Variants in MOBP observed in about 807,000 individuals in gnomAD.
MOBP encodes myelin-associated oligodendrocyte basic protein.
In MOBP, 5 loss-of-function variants were observed where a neutral mutation model predicts 15.0. That is an observed-to-expected ratio of 0.33 (90% CI 0.17 to 0.70). The LOEUF (loss-of-function observed/expected upper bound fraction) is 0.70, where lower values mean the gene tolerates loss of function less well. MOBP is among the 30% of genes least tolerant of loss of function. MOBP has a pLI of 0.67. For synonymous variants in MOBP, 88 were observed against 99.0 expected (o/e 0.89, Z 0.66); for missense variants, 188 against 257.8 (o/e 0.73, Z 1.85).
chr3:39,472,365 C>T (rs564102949), intron 1 of MOBP, among the ~76,000 whole-genome samples: 5 of 152,016 alleles, frequency 3.3e-5, no homozygotes, highest in Non-Finnish European at 7.4e-5. Flanking sequence ...GTACTGTTCC[C>T]TGGATGACAT....
rs1205650451 is a variant in MOBP at position 39,489,821 on chromosome 3, G to A, written c.-5+9698G>A. Among the ~76,000 whole-genome samples the A allele has an allele frequency of 3.9e-5, 6 of 152,262 alleles. No individual in the cohort carries two copies. The East Asian group carries it at 1.2e-3, about 29-fold the overall frequency. ...TAACTGGCTTCAGCTGGGATGGCTG[G>A]CCACTCCGAGTTTCTGCCATATAAT... On this transcript the variant is annotated intron_variant, in intron 2 of 3. Transcript: ENST00000684792.
At position 39,502,504 on chromosome 3, in the gene MOBP, TC is replaced by T; in HGVS notation, c.207-28del. On this transcript the variant is annotated intron_variant, in intron 3 of 3. Coordinates refer to ENST00000684792, the MANE Select transcript of MOBP (RefSeq NM_001393704.1). This position sits in a 1 kb window ranked among gnomAD's most constrained non-coding sequence, Gnocchi z 6.3. ...TTAAGCAGCAGAGGAGAGCCCTGGC[TC>T]CCGCCTCCAGCTTCTTTTGGCCCTC... 1 of 1,556,128 alleles carries T rather than the reference TC, an allele frequency of 6.4e-7. No homozygotes were observed. The highest frequency in any genetic ancestry group is 8.6e-7 in the Non-Finnish European group (1 of 1,159,026).
downstream of MOBP, among the ~76,000 whole-genome samples, chr3:39,520,576 G>GTGTGTGT (rs1559430962): frequency 0.041 from 3,844 of 92,820 alleles, 135 homozygotes; most frequent in African/African-American, 0.16. Context: ...GTGTGTGTAT[G>GTGTGTGT]AGAGAGAGAG....
At chr3:39,510,432 C>T (rs1338533682) in intron 4 of MOBP, among the ~76,000 whole-genome samples, 1 of 152,124 alleles carries the variant, frequency 6.6e-6, no homozygotes, top group East Asian at 1.9e-4. Context: ...TATAACAATA[C>T]TGAGTCTGAT....
At chr3:39,498,323 G>A (rs1354081983) in intron 2 of MOBP, among the ~76,000 whole-genome samples, 2 of 134,432 alleles carry the variant, frequency 1.5e-5, no homozygotes, top group African/African-American at 7.1e-5. Flanking sequence ...AGTTAGGAGG[G>A]CAGTTTTTTG....
chr3:39,508,301 A>C (rs929440130), intron 4 of MOBP, among the ~76,000 whole-genome samples: 1 of 152,204 alleles, frequency 6.6e-6, no homozygotes, highest in Non-Finnish European at 1.5e-5. Context: ...CTCTTTTGGC[A>C]TACATTTCTA....
intron 2 of MOBP, among the ~76,000 whole-genome samples, chr3:39,501,011 C>G (rs1387062368): frequency 6.6e-6 from 1 of 152,162 alleles, no homozygotes; most frequent in Non-Finnish European, 1.5e-5. Flanking sequence ...TGCATTCTAC[C>G]TGCTTCTCAG....
intron 1 of MOBP, among the ~76,000 whole-genome samples, chr3:39,474,712 G>A (rs201372877): frequency 6.6e-6 from 1 of 151,980 alleles, no homozygotes; most frequent in Non-Finnish European, 1.5e-5. Context: ...TTTATGTATT[G>A]TACATATCTG....
At chr3:39,473,703 C>G (rs1270367841) in intron 1 of MOBP, among the ~76,000 whole-genome samples, 1 of 152,200 alleles carries the variant, frequency 6.6e-6, no homozygotes, top group East Asian at 1.9e-4. Context: ...CTGGGAGGGG[C>G]AGCGTCTCCA....
chr3:39,506,915 G>A (rs920785593), downstream of MOBP, among the ~76,000 whole-genome samples: 1 of 152,150 alleles, frequency 6.6e-6, no homozygotes, highest in African/African-American at 2.4e-5. Flanking sequence ...GATTTGTTGG[G>A]CTGTTCTCTC....
At chr3:39,510,836 G>T (rs2043110614) in intron 4 of MOBP, among the ~76,000 whole-genome samples, 1 of 152,088 alleles carries the variant, frequency 6.6e-6, no homozygotes, top group African/African-American at 2.4e-5. Flanking sequence ...TTAATTTTTA[G>T]AGAAATATTT....
chr3:39,502,330 T>C lies in MOBP; in HGVS notation c.206+55T>C. ...GTTGGGCACAGCGCGTGGTCTCGGC[T>C]CCCAGCACGCCCCTCCCGCTCCGCA... On this transcript the variant is annotated intron_variant, in intron 3 of 3. Transcript: ENST00000684792. This position sits in a 1 kb window ranked among gnomAD's most constrained non-coding sequence, Gnocchi z 6.3. 2 of 1,608,066 alleles carry C rather than the reference T, an allele frequency of 1.2e-6. No individual in the cohort carries two copies. The highest frequency in any genetic ancestry group is 2.2e-5 in the South Asian group (2 of 90,490).
chr3:39,479,498 A>G (rs1160291735), intron 1 of MOBP, among the ~76,000 whole-genome samples: 2 of 152,170 alleles, frequency 1.3e-5, no homozygotes, highest in African/African-American at 4.8e-5. Flanking sequence ...TCATATGAAA[A>G]CAGTATTAAT....
chr3:39,528,573 A>G (rs1026409328), downstream of MOBP: 1 of 152,242 alleles, frequency 6.6e-6, no homozygotes, highest in African/African-American at 2.4e-5. Flanking sequence ...GATGAACCCC[A>G]ATTATGTGAG....
chr3:39,474,030 C>T (rs148443998), intron 1 of MOBP, among the ~76,000 whole-genome samples: 3 of 152,264 alleles, frequency 2.0e-5, no homozygotes, highest in Non-Finnish European at 4.4e-5. Flanking sequence ...CGCATTGAGA[C>T]AATTGAATAT....
At chr3:39,481,743 T>A (rs1002031809) in intron 2 of MOBP, among the ~76,000 whole-genome samples, 2 of 152,222 alleles carry the variant, frequency 1.3e-5, no homozygotes, top group African/African-American at 4.8e-5. Flanking sequence ...TTTCAACAAC[T>A]CCATGGAATC....
intron 1 of MOBP, among the ~76,000 whole-genome samples, chr3:39,473,075 C>T (rs913315209): frequency 6.6e-6 from 1 of 152,162 alleles, no homozygotes; most frequent in African/African-American, 2.4e-5. Flanking sequence ...GATTAGATCC[C>T]ATCATGTGTG....
chr3:39,509,428 T>G (rs149734675), intron 4 of MOBP, among the ~76,000 whole-genome samples: 4 of 152,316 alleles, frequency 2.6e-5, no homozygotes, highest in African/African-American at 9.6e-5. Context: ...ATGGTATTCA[T>G]TGTAGTTTTA....
At chr3:39,490,302 TTC>T (rs2042776871) in intron 2 of MOBP, among the ~76,000 whole-genome samples, 1 of 152,192 alleles carries the variant, frequency 6.6e-6, no homozygotes, top group Non-Finnish European at 1.5e-5. Flanking sequence ...TATATTTTAT[TTC>T]TGTTTCTCTT....
Sources: gnomAD v4.1 joint callset for allele counts (sites outside exome capture counted in the v4.1 genomes callset) on GRCh38, gnomAD v4.1.1 for gene constraint, Gnocchi (gnomAD v3.1) non-coding constraint, MANE v1.5 for transcripts, NCBI Gene and HGNC (gene_info 2026-07-23, HGNC 2026-07-21) for gene names.